Variants in CENPM observed in about 807,000 individuals in gnomAD.
CENPM encodes the protein interphase centromere complex protein 39.
A neutral mutation model predicts 19.6 loss-of-function variants in CENPM; 14 were observed. The ratio of observed to expected loss-of-function variants is 0.71; its 90% confidence interval spans 0.47 to 1.11. The LOEUF is 1.11. CENPM is among the 50% of genes most tolerant of loss of function. The pLI, the probability that CENPM is intolerant of heterozygous loss-of-function variation, is 0.00. For missense variants in CENPM, 239 were observed against 228.4 expected (o/e 1.05, Z -0.30); for synonymous variants, 114 against 101.5 (o/e 1.12, Z -0.74).
Position 41,945,955 on chromosome 22 carries a change from AT to A in CENPM, c.187del (p.Ile63LeufsTer3), listed in dbSNP as rs1381719234. ...ATTAACCACAAACACGATCAGGTCAATTCGGGGCCGATTCACACTGGAGGGC... is the reference window on the plus strand; with the variant it reads ...ATTAACCACAAACACGATCAGGTCAATCGGGGCCGATTCACACTGGAGGGC... ...PLPSSVNRPR[I>X]DLIVFVVNLH... On this transcript the variant is annotated frameshift_variant, in exon 3 of 6. Transcript: ENST00000215980. LOFTEE classifies it high-confidence loss of function. 3 of 1,613,860 alleles carry A rather than the reference AT, an allele frequency of 1.9e-6. No individual in the cohort carries two copies. The African/African-American group carries it at 4.0e-5, about 22-fold the overall frequency.
At chr22:41,946,057 G>T (rs990752249) in intron 2 of CENPM, 52 bp from the exon 3 acceptor site, 4 of 1,475,320 alleles carry the variant, frequency 2.7e-6, no homozygotes, top group South Asian at 2.3e-5. Context: ...CCCTCATAGC[G>T]ACCGTTTAAA....
intron 1 of CENPM, chr22:41,946,761 G>T (rs3752592): frequency 0.13 from 78,319 of 598,422 alleles, 6,948 homozygotes; most frequent in Admixed American, 0.33. Context: ...CCCCAGACGC[G>T]GGAAAACCAA....
chr22:41,927,556 G>T, the CENPM span, among the ~76,000 whole-genome samples: 1 of 143,688 alleles, frequency 7.0e-6, no homozygotes, highest in Non-Finnish European at 1.5e-5. Flanking sequence ...GCTCTGTGCA[G>T]TGGTGCAATC....
At position 41,945,945 on chromosome 22, in the gene CENPM, G is replaced by C. The variant is rs766128099; in HGVS notation, c.198C>G (p.Ile66Met). Residue 66 changes from isoleucine to methionine, a missense_variant, in exon 3 of 6, where the codon ATC becomes ATG. Coordinates refer to ENST00000215980, the MANE Select transcript of CENPM (RefSeq NM_024053.5). The part of the protein sequence containing the change: ...SSVNRPRIDL[I>M]VFVVNLHSKY... ...TGCTGTGAAGATTAACCACAAACAC[G>C]ATCAGGTCAATTCGGGGCCGATTCA... 2.5e-6 allele frequency: 4 copies of C among 1,613,824 alleles called. No individual in the cohort carries two copies. Among genetic ancestry groups the C allele is most frequent in the African/African-American group, 1.3e-5 (1 of 75,026 alleles).
At chr22:41,939,791 A>G (rs147672831) in intron 5 of CENPM, among the ~76,000 whole-genome samples, 732 of 119,404 alleles carry the variant, frequency 6.1e-3, no homozygotes, top group Non-Finnish European at 8.3e-3. Flanking sequence ...AGAAAGAAAA[A>G]GAAAGAAAAA....
At position 41,947,032 on chromosome 22, in the gene CENPM, C is replaced by T; in HGVS notation, c.45G>A (p.Thr15=). 1 of 1,612,892 alleles carries T rather than the reference C, an allele frequency of 6.2e-7. No individual in the cohort carries two copies. The highest frequency in any genetic ancestry group is 8.5e-7 in the Non-Finnish European group (1 of 1,179,926). The change falls in exon 1 of 6, where the codon ACG becomes ACA. Residue 15 remains threonine, a synonymous_variant. Transcript: ENST00000215980. The part of the protein sequence containing the change: ...RPLDKLPGLN[T]ATILLVGTED... ...CGCCTGCACCTACCAAGATGGTGGC[C>T]GTGTTCAGGCCGGGCAGCTTGTCCA...
chr22:41,946,047 C>G (rs369429864), intron 2 of CENPM, 42 bp from the exon 3 acceptor site: 2 of 1,523,192 alleles, frequency 1.3e-6, no homozygotes, highest in Admixed American at 1.7e-5. Context: ...ATCCGTACCC[C>G]CCTCATAGCG....
intron 5 of CENPM, among the ~76,000 whole-genome samples, chr22:41,942,750 C>CAAA (rs59088131): frequency 4.0e-5 from 5 of 123,864 alleles, no homozygotes; most frequent in African/African-American, 1.5e-4. Context: ...GACTCCATCT[C>CAAA]AAAAAAAAAA....
intron 4 of CENPM, chr22:41,944,840 T>C (rs1023500): frequency 0.21 from 218,759 of 1,025,078 alleles, 25,288 homozygotes; most frequent in Admixed American, 0.39. Flanking sequence ...CAACTCCAAG[T>C]AATGGCAGAG....
chr22:41,947,119 T>C lies in CENPM; in HGVS notation c.-43A>G. ...CCGTTGCTCCTGCGGTGCGCGCCGATCTTTCAAACCGCCCTGAGTCCAGCC... is the reference window on the plus strand; with the variant it reads ...CCGTTGCTCCTGCGGTGCGCGCCGACCTTTCAAACCGCCCTGAGTCCAGCC... On this transcript the variant is annotated 5_prime_UTR_variant, in exon 1 of 6. Coordinates refer to ENST00000215980, the MANE Select transcript of CENPM (RefSeq NM_024053.5). The C allele has an allele frequency of 6.2e-7, 1 of 1,600,914 alleles. No homozygotes were observed. The highest frequency in any genetic ancestry group is 8.5e-7 in the Non-Finnish European group (1 of 1,170,774).
chr22:41,946,929 C>CT, intron 1 of CENPM, 91 bp downstream of exon 1: 10 of 1,361,446 alleles, frequency 7.3e-6, no homozygotes, highest in Non-Finnish European at 1.0e-5. Flanking sequence ...CGCGCGCTGG[C>CT]TTGGCGCCTC....
In CENPM at chr22:41,938,808, G is replaced by A; in HGVS notation, c.*248C>T. ...CCTTAAATGGAGATGTAACACGCCA[G>A]CTGCTTAAAGACACAGGCTCTGCAA... On this transcript the variant is annotated 3_prime_UTR_variant, in exon 6 of 6. Coordinates refer to ENST00000215980, the MANE Select transcript of CENPM (RefSeq NM_024053.5). The A allele has an allele frequency of 2.2e-6, 1 of 450,872 alleles. No homozygotes were observed. The highest frequency in any genetic ancestry group is 3.9e-6 in the Non-Finnish European group (1 of 254,376). 27.9% of individuals were successfully genotyped at this position (450,872 alleles called of 1,614,324 possible).
the CENPM span, among the ~76,000 whole-genome samples, chr22:41,930,543 T>C: frequency 6.6e-6 from 1 of 151,924 alleles, no homozygotes; most frequent in Non-Finnish European, 1.5e-5. Flanking sequence ...TTCACTCTTA[T>C]CGCCCAGGCT....
intron 1 of CENPM, 173 bp from the exon 2 acceptor site, chr22:41,946,669 G>T: frequency 1.6e-6 from 1 of 620,722 alleles, no homozygotes; most frequent in South Asian, 1.9e-5. Context: ...CCTGAGGTTT[G>T]GACCCGCTGC....
intron 2 of CENPM, 94 bp downstream of exon 2, chr22:41,946,323 G>T: frequency 9.3e-7 from 1 of 1,075,122 alleles, no homozygotes; most frequent in Non-Finnish European, 1.4e-6. Context: ...CAGCCTCAGA[G>T]GAGGGGGCGC....
In CENPM at chr22:41,945,225, C is replaced by G. The variant is rs1362764438; in HGVS notation, c.310G>C (p.Ala104Pro). 3.1e-6 allele frequency: 5 copies of G among 1,613,962 alleles called. No individual in the cohort carries two copies. The East Asian group carries it at 1.1e-4, about 36-fold the overall frequency. ...AGTAACAGGCGAGGAACGTACTTAC[C>G]ACCTGTGGCGAGGAAACACACCTTC... Reference protein sequence around the residue: ...LGKVCFLATGAGRESHCSIHR... With the variant: ...LGKVCFLATGPGRESHCSIHR... The change falls in exon 4 of 6, where the codon GCT becomes CCT. Residue 104 changes from alanine to proline, a missense_variant and splice_region_variant. Transcript: ENST00000215980.
chr22:41,944,721 A>G, intron 4 of CENPM: 1 of 985,430 alleles, frequency 1.0e-6, no homozygotes, highest in Non-Finnish European at 1.2e-6. Flanking sequence ...TGACCCAGAG[A>G]AGGAGAGTCA....
At chr22:41,931,132 G>A in the CENPM span, among the ~76,000 whole-genome samples, 2 of 148,720 alleles carry the variant, frequency 1.3e-5, no homozygotes, top group African/African-American at 2.5e-5. Flanking sequence ...CACTGCACCC[G>A]GCCACCATGC....
At position 41,939,127 on chromosome 22, in the gene CENPM, G is replaced by A; in HGVS notation, c.472C>T (p.Pro158Ser). The A allele has an allele frequency of 6.2e-7, 1 of 1,612,952 alleles. No individual in the cohort carries two copies. The highest frequency in any genetic ancestry group is 8.5e-7 in the Non-Finnish European group (1 of 1,179,936). The change falls in exon 6 of 6, where the codon CCC (proline) becomes TCC (serine). Residue 158 changes from proline to serine, a missense_variant. Pro to Ser is a moderately conservative substitution (Grantham distance 74). Coordinates refer to ENST00000215980, the MANE Select transcript of CENPM (RefSeq NM_024053.5). ...AGCAGGTTCAGAGCTGAGACACCGG[G>A]CACGTGGCCAGCACAGATCTGCAGC... ...RVLQICAGHVPGVSALNLLSL... is the reference protein window; with the variant it reads ...RVLQICAGHVSGVSALNLLSL...
Sources: allele counts gnomAD v4.1 joint callset (sites outside exome capture counted in the v4.1 genomes callset), GRCh38; gene constraint gnomAD v4.1.1; transcripts MANE v1.5; gene names NCBI Gene and HGNC (gene_info 2026-07-23, HGNC 2026-07-21).